The following LCP1 variants were observed in gnomAD, a reference collection of about 807,000 sequenced individuals.
LCP1 encodes the protein lymphocyte cytosolic protein 1.
A neutral mutation model predicts 72.0 loss-of-function variants in LCP1; 23 were observed. That is an observed-to-expected ratio of 0.32 (90% CI 0.23 to 0.45). The LOEUF (loss-of-function observed/expected upper bound fraction) is 0.45, where lower values mean the gene tolerates loss of function less well. Among genes scored for constraint, LCP1 ranks in the 20% least tolerant of loss-of-function variants. The pLI, the probability that LCP1 is intolerant of heterozygous loss-of-function variation, is 1.00. For synonymous variants in LCP1, 245 were observed against 275.4 expected (o/e 0.89, Z 1.09); for missense variants, 571 against 748.3 (o/e 0.76, Z 2.76).
At chr13:46,142,217 C>A (rs2045702700) in intron 13 of LCP1, 75 bp downstream of exon 13, 1 of 1,460,134 alleles carries the variant, frequency 6.8e-7, no homozygotes, top group Admixed American at 1.8e-5. Flanking sequence ...TTAACTCATA[C>A]TGCTAAAAAT....
chr13:46,163,004 G>T (rs958283433), intron 1 of LCP1, among the ~76,000 whole-genome samples: 9 of 148,036 alleles, frequency 6.1e-5, no homozygotes, highest in African/African-American at 2.2e-4. Context: ...CCCCGTCGGG[G>T]AGGGAGGTGG....
intron 15 of LCP1, 93 bp downstream of exon 15, chr13:46,130,721 T>C: frequency 7.0e-7 from 1 of 1,420,522 alleles, no homozygotes; most frequent in African/African-American, 1.5e-5. Flanking sequence ...AAATGAAATG[T>C]TTGTATAAAG....
At chr13:46,157,679 T>A (rs1687136528) in intron 4 of LCP1, among the ~76,000 whole-genome samples, 2 of 152,016 alleles carry the variant, frequency 1.3e-5, no homozygotes, top group Admixed American at 1.3e-4. Flanking sequence ...AATTCCTGTA[T>A]TTAAAAACAA....
chr13:46,129,854 C>G (rs78043332), intron 15 of LCP1, among the ~76,000 whole-genome samples: 1,707 of 152,240 alleles, frequency 0.011, 34 homozygotes, highest in African/African-American at 0.038. Context: ...GTAGTTAAGA[C>G]GAGGTCATGC....
chr13:46,131,620 A>G (rs937490584), intron 14 of LCP1, among the ~76,000 whole-genome samples: 6 of 152,192 alleles, frequency 3.9e-5, no homozygotes, highest in African/African-American at 1.4e-4. Flanking sequence ...CCCATCAACA[A>G]TGAACTAGAT....
intron 4 of LCP1, 81 bp from the exon 5 acceptor site, chr13:46,156,651 C>A: frequency 6.9e-7 from 1 of 1,450,164 alleles, no homozygotes; most frequent in East Asian, 2.3e-5. Context: ...ATCTTAAATT[C>A]TCATTCCCAG....
intron 6 of LCP1, among the ~76,000 whole-genome samples, 191 bp downstream of exon 6, chr13:46,154,614 A>G (rs2045788997): frequency 6.6e-6 from 1 of 152,206 alleles, no homozygotes; most frequent in Admixed American, 6.5e-5. Flanking sequence ...CCCAGCTGCT[A>G]CCACTCCACC....
intron 10 of LCP1, among the ~76,000 whole-genome samples, chr13:46,145,459 A>G (rs558051584): frequency 6.6e-6 from 1 of 152,214 alleles, no homozygotes; most frequent in Non-Finnish European, 1.5e-5. Flanking sequence ...TAAAAGAAAC[A>G]TAACAATTGA....
At chr13:46,157,237 T>C (rs2045808435) in intron 4 of LCP1, among the ~76,000 whole-genome samples, 1 of 150,610 alleles carries the variant, frequency 6.6e-6, no homozygotes, top group Non-Finnish European at 1.5e-5. Flanking sequence ...AAAAATATTT[T>C]ATTTATATGT....
At chr13:46,153,100 C>T (rs1397533044) in intron 6 of LCP1, 155 bp from the exon 7 acceptor site, 2 of 700,218 alleles carry the variant, frequency 2.9e-6, no homozygotes, top group Non-Finnish European at 4.5e-6. Context: ...AACAGTGACT[C>T]ATAACCAGAA....
intron 13 of LCP1, among the ~76,000 whole-genome samples, chr13:46,141,314 G>A (rs1469164985): frequency 2.0e-5 from 3 of 147,834 alleles, no homozygotes; most frequent in African/African-American, 7.5e-5. Flanking sequence ...GCTGAGGCAG[G>A]AGAATCACTT....
At chr13:46,142,104 C>T (rs1008120008) in intron 13 of LCP1, among the ~76,000 whole-genome samples, 188 bp downstream of exon 13, 26 of 150,434 alleles carry the variant, frequency 1.7e-4, no homozygotes, top group African/African-American at 6.4e-4. Flanking sequence ...CAGAGTTTCA[C>T]GATACTTGAA....
At chr13:46,178,387 A>C (rs2045941673) in intron 1 of LCP1, among the ~76,000 whole-genome samples, 1 of 152,196 alleles carries the variant, frequency 6.6e-6, no homozygotes, top group South Asian at 2.1e-4. Context: ...CAATAGTATA[A>C]GGCAGGAAGT....
Position 46,134,144 on chromosome 13 carries a change from A to C in LCP1, c.1609T>G (p.Ser537Ala), listed in dbSNP as rs748338956. ...ETLREAKKSS[S>A]ISSFKDPKIS... ...AATTTTACCTTGAAACTAGAGATGG[A>C]TGAACTTTTCTTTGCTTCCCTCAAT... The change falls in exon 14 of 16, where the codon TCC becomes GCC. Residue 537 changes from serine (S) to alanine (A), a missense_variant. Coordinates refer to ENST00000323076, the MANE Select transcript of LCP1 (RefSeq NM_002298.5). 3.1e-6 allele frequency: 5 copies of C among 1,613,716 alleles called. No individual in the cohort carries two copies. The highest frequency in any genetic ancestry group is 3.4e-6 in the Non-Finnish European group (4 of 1,179,748).
At chr13:46,148,471 A>C in intron 8 of LCP1, 24 bp from the exon 9 acceptor site, 1 of 1,434,378 alleles carries the variant, frequency 7.0e-7, no homozygotes, top group African/African-American at 1.4e-5. Flanking sequence ...AGAAATTCCA[A>C]TTTCAAAATA....
intron 14 of LCP1, among the ~76,000 whole-genome samples, chr13:46,133,169 T>C (rs1257691585): frequency 6.6e-6 from 1 of 152,228 alleles, no homozygotes; most frequent in Non-Finnish European, 1.5e-5. Flanking sequence ...CTTTGAGCAT[T>C]TTACATGTCA....
chr13:46,160,468 A>G (rs889956259), intron 1 of LCP1, among the ~76,000 whole-genome samples: 16 of 152,224 alleles, frequency 1.1e-4, no homozygotes, highest in African/African-American at 3.6e-4. Context: ...GACCAAGCCA[A>G]CAGATACAGT....
At chr13:46,134,856 C>T (rs1010002085) in intron 13 of LCP1, among the ~76,000 whole-genome samples, 1 of 152,010 alleles carries the variant, frequency 6.6e-6, no homozygotes, top group Non-Finnish European at 1.5e-5. Flanking sequence ...GTAATCCCGG[C>T]ACTTTAGGAG....
chr13:46,171,941 G>A (rs1340145035), intron 1 of LCP1, among the ~76,000 whole-genome samples: 1 of 152,254 alleles, frequency 6.6e-6, no homozygotes. Context: ...GGGCGACCAA[G>A]GGCCAACTTT....
Sources: gnomAD v4.1 joint callset for allele counts (sites outside exome capture counted in the v4.1 genomes callset) on GRCh38, gnomAD v4.1.1 for gene constraint, MANE v1.5 for transcripts, NCBI Gene and HGNC (gene_info 2026-07-23, HGNC 2026-07-21) for gene names.